NOTCH2: variants seen among roughly 807,000 people sequenced by gnomAD.
NOTCH2 encodes notch receptor 2, also known as neurogenic locus notch homolog protein 2.
Under a neutral mutation model 235.8 loss-of-function variants are expected in NOTCH2, and 29 were observed. That is an observed-to-expected ratio of 0.12 (90% CI 0.09 to 0.17). The LOEUF (loss-of-function observed/expected upper bound fraction) is 0.17, where lower values mean the gene tolerates loss of function less well. Among genes scored for constraint, NOTCH2 ranks in the 10% least tolerant of loss-of-function variants. The pLI is 1.00. For missense variants in NOTCH2, 2,285 were observed against 3,150.2 expected, an observed-to-expected ratio of 0.73 and a Z score of 6.57; for synonymous variants, 1,086 against 1,141.5, an observed-to-expected ratio of 0.95 and a Z score of 0.98.
intron 17 of NOTCH2, among the ~76,000 whole-genome samples, chr1:119,943,717 GA>G (rs1650150773): frequency 6.6e-6 from 1 of 152,144 alleles, no homozygotes; most frequent in East Asian, 1.9e-4. Context: ...AAAATGAGTA[GA>G]AAAAATATGA....
intron 22 of NOTCH2, 67 bp downstream of exon 22, chr1:119,935,405 C>T: frequency 6.2e-7 from 1 of 1,613,230 alleles, no homozygotes. Context: ...ATCCCCTGAA[C>T]ACTAAGAATG....
chr1:119,968,033 C>A (rs1553199914), intron 7 of NOTCH2, 44 bp downstream of exon 7: 1 of 1,610,524 alleles, frequency 6.2e-7, no homozygotes, highest in Non-Finnish European at 8.5e-7. Context: ...ATTTGCTGAG[C>A]TCAACAGACA....
chr1:120,041,928 A>G (rs1434939111), intron 1 of NOTCH2, among the ~76,000 whole-genome samples: 1 of 144,988 alleles, frequency 6.9e-6, no homozygotes, highest in Non-Finnish European at 1.5e-5. Context: ...AGAGAGAGGA[A>G]GGAAGCAAAA....
At position 119,970,871 on chromosome 1, in the gene NOTCH2, G is replaced by A. The variant is rs145412330; in HGVS notation, c.875-1127C>T. 3.3e-5 allele frequency among the ~76,000 whole-genome samples: 5 copies of A among 152,284 alleles called. No homozygotes were observed. The East Asian group carries it at 9.6e-4, about 29-fold the overall frequency. ...TTGTTGAAAATAAAAATATGTCAAGGTGTCCTTCATTCTTCCTTTGTAAAT... is the reference window on the plus strand; with the variant it reads ...TTGTTGAAAATAAAAATATGTCAAGATGTCCTTCATTCTTCCTTTGTAAAT... On this transcript the variant is annotated intron_variant, in intron 5 of 33. Transcript: ENST00000256646.
At chr1:119,916,761 A>C in intron 33 of NOTCH2, 67 bp from the exon 34 acceptor site, 1 of 1,496,216 alleles carries the variant, frequency 6.7e-7, no homozygotes, top group East Asian at 2.3e-5. Context: ...GTTTTTCTCA[A>C]TCTTTTTTAT....
rs587750631 is a variant in NOTCH2, at chr1:119,952,630, G to A, written c.2365+913C>T. On this transcript the variant is annotated intron_variant, in intron 14 of 33. Coordinates refer to ENST00000256646, the MANE Select transcript of NOTCH2 (RefSeq NM_024408.4). ...GATCTGACAGAGACAGAGCTCAGGCGGTAATGTGAGTGACGGGGAGTGGCT... is the reference window on the plus strand; with the variant it reads ...GATCTGACAGAGACAGAGCTCAGGCAGTAATGTGAGTGACGGGGAGTGGCT... 2.9e-4 allele frequency among the ~76,000 whole-genome samples: 44 copies of A among 152,226 alleles called. 1 individual carries two copies. In the South Asian group the frequency reaches 8.1e-3, roughly 28 times the overall value.
At chr1:119,947,111 A>G (rs1198079414) in intron 17 of NOTCH2, among the ~76,000 whole-genome samples, 3 of 152,286 alleles carry the variant, frequency 2.0e-5, no homozygotes, top group Middle Eastern at 3.4e-3. Flanking sequence ...ATAAACCTCA[A>G]ATTTGGATTA....
intron 5 of NOTCH2, among the ~76,000 whole-genome samples, chr1:119,986,720 C>T (rs1399178816): frequency 6.6e-6 from 1 of 152,168 alleles, no homozygotes; most frequent in Non-Finnish European, 1.5e-5. Flanking sequence ...CAGCATCTAG[C>T]ATGGTGCTGG....
chr1:119,935,340 A>G, intron 22 of NOTCH2, 132 bp downstream of exon 22: 1 of 1,603,440 alleles, frequency 6.2e-7, no homozygotes, highest in Non-Finnish European at 8.5e-7. Flanking sequence ...AATTACTAGG[A>G]TGTAGAACTA....
chr1:119,939,661 AG>A (rs1553196211), intron 19 of NOTCH2, among the ~76,000 whole-genome samples: 2 of 152,166 alleles, frequency 1.3e-5, no homozygotes, highest in African/African-American at 4.8e-5. Context: ...CCTTGAGGAG[AG>A]GAAGGCCAAA....
chr1:120,009,206 G>A (rs1284545422), intron 2 of NOTCH2, among the ~76,000 whole-genome samples: 1 of 151,808 alleles, frequency 6.6e-6, no homozygotes, highest in Non-Finnish European at 1.5e-5. Context: ...CTGTAACTGG[G>A]ATGTGGATCA....
intron 10 of NOTCH2, among the ~76,000 whole-genome samples, chr1:119,964,395 T>C (rs77801324): frequency 0.047 from 7,196 of 152,260 alleles, 271 homozygotes; most frequent in Non-Finnish European, 0.076. Flanking sequence ...ATTATATCTT[T>C]CCCTAAAAGA....
intron 15 of NOTCH2, chr1:119,950,430 A>T: frequency 5.4e-6 from 3 of 553,238 alleles, no homozygotes; most frequent in South Asian, 4.6e-5. Flanking sequence ...GAAACATTCA[A>T]ATGATAGACA....
intron 32 of NOTCH2, 124 bp from the exon 33 acceptor site, chr1:119,917,886 A>G (rs1649142527): frequency 1.1e-5 from 8 of 729,750 alleles, no homozygotes; most frequent in South Asian, 1.5e-5. Context: ...GTAGGGGTCT[A>G]TAGGAAAAAC....
Position 120,069,373 on chromosome 1 carries a change from G to C in NOTCH2, c.34C>G (p.Leu12Val), listed in dbSNP as rs1553217927. The change falls in exon 1 of 34, where the codon CTG (leucine) becomes GTG (valine). Residue 12 changes from leucine to valine, a missense_variant. Coordinates refer to ENST00000256646, the MANE Select transcript of NOTCH2 (RefSeq NM_024408.4). ...PALRPALLWA[L>V]LALWLCCAAP... Reference sequence around the variant, plus strand: ...GCGCAGCACAGCCAGAGCGCCAGCAGCGCCCACAGCAGAGCGGGGCGCAGG... The same window carrying C: ...GCGCAGCACAGCCAGAGCGCCAGCACCGCCCACAGCAGAGCGGGGCGCAGG... The C allele has an allele frequency of 6.4e-7, 1 of 1,569,308 alleles. No homozygotes were observed. Among genetic ancestry groups the C allele is most frequent in the Non-Finnish European group, 8.6e-7 (1 of 1,166,268 alleles).
In NOTCH2 at chr1:119,935,067, C is replaced by A. The variant is rs1649798117; in HGVS notation, c.3655+405G>T. On this transcript the variant is annotated intron_variant, in intron 22 of 33. Coordinates refer to ENST00000256646, the MANE Select transcript of NOTCH2 (RefSeq NM_024408.4). ...TATTTTCATTTCATTCATTCCCCCA[C>A]CTTATAGAGGTAAGACTTGGCTAAT... 17 of 971,096 alleles carry A rather than the reference C, an allele frequency of 1.8e-5. 1 individual carries two copies. The South Asian group carries it at 7.6e-4, about 44-fold the overall frequency. The allele number at this position is 971,096 out of a possible 1,614,324, so 60.2% of individuals were successfully genotyped here.
At chr1:119,970,053 T>C (rs1651302023) in intron 5 of NOTCH2, among the ~76,000 whole-genome samples, 1 of 152,076 alleles carries the variant, frequency 6.6e-6, no homozygotes, top group Admixed American at 6.6e-5. Context: ...CCTGGGTCAA[T>C]GAACATATAA....
At chr1:119,924,470 C>T (rs1570663015) in intron 25 of NOTCH2, among the ~76,000 whole-genome samples, 1 of 152,118 alleles carries the variant, frequency 6.6e-6, no homozygotes, top group Non-Finnish European at 1.5e-5. Context: ...AAGAGTGAAT[C>T]CCAACTACAG....
In NOTCH2 at chr1:119,925,359, G is replaced by A. The variant is rs762374093; in HGVS notation, c.4457C>T (p.Thr1486Met). 13 of 1,614,180 alleles carry A rather than the reference G, an allele frequency of 8.1e-6. No homozygotes were observed. Among genetic ancestry groups the A allele is most frequent in the East Asian group, 6.7e-5 (3 of 44,884 alleles). The change falls in exon 25 of 34, where the codon ACG (threonine) becomes ATG (methionine). Residue 1486 changes from threonine to methionine, a missense_variant. This residue lies in a region of NOTCH2 where 1,173 missense variants were observed against 1,515.3 expected (regional missense o/e 0.77). Transcript: ENST00000256646. ...INNQCDELCN[T>M]VECLFDNFEC... ...AAAGTTGTCAAACAGGCACTCGACCGTGTTGCACAGCTCATCACACTGGTT... is the reference window on the plus strand; with the variant it reads ...AAAGTTGTCAAACAGGCACTCGACCATGTTGCACAGCTCATCACACTGGTT...
Sources: allele counts gnomAD v4.1 joint callset (sites outside exome capture counted in the v4.1 genomes callset), GRCh38; gene constraint gnomAD v4.1.1; regional missense constraint gnomAD v4.1.1; transcripts MANE v1.5; gene names NCBI Gene and HGNC (gene_info 2026-07-23, HGNC 2026-07-21).